Variants in OR1B1 observed in about 807,000 individuals in gnomAD.
OR1B1 encodes the protein olfactory receptor family 1 subfamily B member 1.
For synonymous variants in OR1B1, 168 were observed against 156.2 expected (o/e 1.08, Z -0.57); for missense variants, 414 against 402.1 (o/e 1.03, Z -0.25).
chr9:122,639,995 G>C, the OR1B1 span, among the ~76,000 whole-genome samples: 1 of 151,966 alleles, frequency 6.6e-6, no homozygotes, highest in Non-Finnish European at 1.5e-5. Context: ...CTGCGGTTCT[G>C]TGAGGCAGGT....
At chr9:122,646,330 A>G in the OR1B1 span, among the ~76,000 whole-genome samples, 1 of 152,210 alleles carries the variant, frequency 6.6e-6, no homozygotes. Flanking sequence ...TTAAAATGAA[A>G]TAAGTCCCCA....
exon 1 of OR1B1, chr9:122,629,502 G>T: frequency 6.2e-7 from 1 of 1,612,364 alleles, no homozygotes; most frequent in South Asian, 1.1e-5. Context: ...AAAAAAACCG[G>T]AGAGTGTGAA....
chr9:122,632,064 T>G (rs181224291), upstream of OR1B1, among the ~76,000 whole-genome samples: 804 of 152,276 alleles, frequency 5.3e-3, 7 homozygotes, highest in African/African-American at 0.017. Context: ...CAGTGACTTA[T>G]AGACTCTAGA....
At chr9:122,634,607 G>A in the OR1B1 span, among the ~76,000 whole-genome samples, 2 of 152,098 alleles carry the variant, frequency 1.3e-5, no homozygotes, top group South Asian at 4.2e-4. Flanking sequence ...AACAGCATGG[G>A]GGAAACCACC....
At chr9:122,644,405 C>T in the OR1B1 span, among the ~76,000 whole-genome samples, 2 of 152,228 alleles carry the variant, frequency 1.3e-5, no homozygotes, top group African/African-American at 2.4e-5. Flanking sequence ...GCAGAAAGGA[C>T]TTTGAATAGT....
chr9:122,642,533 A>G, the OR1B1 span, among the ~76,000 whole-genome samples: 1 of 151,836 alleles, frequency 6.6e-6, no homozygotes, highest in Non-Finnish European at 1.5e-5. Flanking sequence ...ACCTGGGGGG[A>G]GGTCAGGTAC....
chr9:122,655,923 G>C, the OR1B1 span, among the ~76,000 whole-genome samples: 2 of 151,676 alleles, frequency 1.3e-5, no homozygotes, highest in East Asian at 3.9e-4. Flanking sequence ...AGTCTTCCTT[G>C]AAGTGGTAGC....
the OR1B1 span, among the ~76,000 whole-genome samples, chr9:122,646,146 T>C: frequency 6.6e-6 from 1 of 152,104 alleles, no homozygotes; most frequent in African/African-American, 2.4e-5. Context: ...GGTTATAAGA[T>C]AGTATTTGCA....
the OR1B1 span, among the ~76,000 whole-genome samples, chr9:122,656,476 T>G: frequency 9.2e-5 from 14 of 151,696 alleles, no homozygotes; most frequent in African/African-American, 3.4e-4. Context: ...ATCATGGGAG[T>G]GGGTTCCTGA....
chr9:122,635,218 A>T, the OR1B1 span, among the ~76,000 whole-genome samples: 1 of 152,218 alleles, frequency 6.6e-6, no homozygotes, highest in African/African-American at 2.4e-5. Flanking sequence ...TTTTGTGATA[A>T]CATAAATGAA....
the OR1B1 span, among the ~76,000 whole-genome samples, chr9:122,636,142 A>G: frequency 6.6e-6 from 1 of 152,336 alleles, no homozygotes; most frequent in East Asian, 1.9e-4. Flanking sequence ...CTTCGTTTCT[A>G]CTTGGAGACT....
chr9:122,651,993 G>A, the OR1B1 span, among the ~76,000 whole-genome samples: 2 of 152,110 alleles, frequency 1.3e-5, no homozygotes, highest in African/African-American at 4.8e-5. Context: ...AAGAAAAAAG[G>A]TCTTGCTATG....
the OR1B1 span, among the ~76,000 whole-genome samples, chr9:122,641,078 G>T: frequency 6.6e-6 from 1 of 152,168 alleles, no homozygotes; most frequent in Admixed American, 6.5e-5. Flanking sequence ...TGAGGTCAGG[G>T]ATGGAATGAG....
the OR1B1 span, among the ~76,000 whole-genome samples, chr9:122,640,271 C>G: frequency 6.6e-6 from 1 of 152,052 alleles, no homozygotes; most frequent in Admixed American, 6.6e-5. Flanking sequence ...GTGGTTATCT[C>G]TTTTCTATAT....
At chr9:122,630,438 G>C (rs111921556), upstream of OR1B1, among the ~76,000 whole-genome samples, 251 of 152,222 alleles carry the variant, frequency 1.6e-3, no homozygotes, top group African/African-American at 5.8e-3. Context: ...ATTCTTTGCT[G>C]TTAGTCCACT....
At chr9:122,629,067 G>A (rs767731321) in exon 1 of OR1B1, 11 of 1,613,228 alleles carry the variant, frequency 6.8e-6, no homozygotes, top group Non-Finnish European at 9.3e-6. Context: ...AACATGGTGT[G>A]CAGTATGGAC....
the OR1B1 span, among the ~76,000 whole-genome samples, chr9:122,648,846 A>G: frequency 6.6e-6 from 1 of 152,212 alleles, no homozygotes; most frequent in Admixed American, 6.5e-5. Flanking sequence ...TATACATTCA[A>G]TGCTATCCCC....
chr9:122,629,199 C>A, exon 1 of OR1B1: 1 of 1,614,068 alleles, frequency 6.2e-7, no homozygotes, highest in Non-Finnish European at 8.5e-7. Context: ...ACAAGTGTAT[C>A]TGTAACCCCA....
chr9:122,641,034 T>C, the OR1B1 span, among the ~76,000 whole-genome samples: 4 of 152,130 alleles, frequency 2.6e-5, no homozygotes, highest in African/African-American at 9.7e-5. Flanking sequence ...GGCTTGTGAA[T>C]CTTATTTGGA....
Sources: allele counts gnomAD v4.1 joint callset (sites outside exome capture counted in the v4.1 genomes callset), GRCh38; gene constraint gnomAD v4.1.1; transcripts MANE v1.5; gene names NCBI Gene and HGNC (gene_info 2026-07-23, HGNC 2026-07-21).